The following CHCHD3 variants were observed in gnomAD, a reference collection of about 807,000 sequenced individuals.
CHCHD3 encodes coiled-coil-helix-coiled-coil-helix domain containing 3.
A neutral mutation model predicts 38.2 loss-of-function variants in CHCHD3; 20 were observed. The ratio of observed to expected loss-of-function variants is 0.52; its 90% CI spans 0.37 to 0.76. The LOEUF (loss-of-function observed/expected upper bound fraction) is 0.76, where lower values mean the gene tolerates loss of function less well. Ranked by LOEUF, CHCHD3 falls within the 30% of genes least tolerant of loss-of-function variation. The probability of loss-of-function intolerance (pLI) is 0.00; values close to 1 mark genes in which losing one functional copy is unlikely to be tolerated. For missense variants in CHCHD3, 245 were observed against 279.2 expected (o/e 0.88, Z 0.87); for synonymous variants, 82 against 100.0 (o/e 0.82, Z 1.07).
rs149671290 is a variant in CHCHD3, at chr7:133,033,078, T to A, written c.170-8451A>T. On this transcript the variant is annotated intron_variant, in intron 2 of 7. Transcript: ENST00000262570. ...GCTAATTTATAATAAAATAATGGCA[T>A]CTCATTATGTAAACGTTCAAACATA... Among the ~76,000 whole-genome samples, 119 of 152,248 alleles carry A rather than the reference T, an allele frequency of 7.8e-4. 1 individual carries two copies. The highest frequency in any genetic ancestry group is 2.7e-3 in the African/African-American group (114 of 41,536).
At chr7:133,049,844 C>T (rs1246159134) in intron 2 of CHCHD3, among the ~76,000 whole-genome samples, 1 of 152,212 alleles carries the variant, frequency 6.6e-6, no homozygotes, top group Non-Finnish European at 1.5e-5. Context: ...ATAATCCACA[C>T]TTCCACTGTG....
chr7:132,886,713 T>TG (rs398086180), intron 4 of CHCHD3, among the ~76,000 whole-genome samples: 12 of 150,602 alleles, frequency 8.0e-5, no homozygotes, highest in Admixed American at 3.3e-4. Flanking sequence ...ATATATATTT[T>TG]TGTGTGTATC....
intron 5 of CHCHD3, among the ~76,000 whole-genome samples, chr7:132,841,543 A>C (rs1386667710): frequency 6.6e-6 from 1 of 152,212 alleles, no homozygotes. Flanking sequence ...GGAATGAATT[A>C]GACAAACATG....
chr7:133,045,022 T>A (rs1274601145), intron 2 of CHCHD3, among the ~76,000 whole-genome samples: 1 of 152,244 alleles, frequency 6.6e-6, no homozygotes, highest in Non-Finnish European at 1.5e-5. Flanking sequence ...AGTCGTTTTT[T>A]TCCCCTCTAC....
At chr7:133,063,793 G>T (rs1814590170) in intron 2 of CHCHD3, among the ~76,000 whole-genome samples, 1 of 152,138 alleles carries the variant, frequency 6.6e-6, no homozygotes, top group Non-Finnish European at 1.5e-5. Context: ...CTCTGAAGCT[G>T]CCCAGGCCCT....
intron 3 of CHCHD3, among the ~76,000 whole-genome samples, chr7:133,003,800 C>A (rs79663369): frequency 6.6e-6 from 1 of 152,040 alleles, no homozygotes; most frequent in Non-Finnish European, 1.5e-5. Context: ...TAAAAATACA[C>A]GGAGGATAAA....
chr7:132,806,910 G>C (rs1278529502), intron 6 of CHCHD3, among the ~76,000 whole-genome samples: 1 of 152,164 alleles, frequency 6.6e-6, no homozygotes, highest in African/African-American at 2.4e-5. Context: ...GCAGAAAGGA[G>C]GGCATGGTCC....
At chr7:132,986,733 A>G (rs1266819255) in intron 3 of CHCHD3, among the ~76,000 whole-genome samples, 2 of 152,220 alleles carry the variant, frequency 1.3e-5, no homozygotes, top group African/African-American at 4.8e-5. Context: ...AATGCAGACA[A>G]AAGTGCCCTA....
chr7:133,027,314 T>C (rs1039878425), intron 2 of CHCHD3, among the ~76,000 whole-genome samples: 4 of 150,426 alleles, frequency 2.7e-5, no homozygotes, highest in Non-Finnish European at 4.4e-5. Flanking sequence ...AACTGCACAC[T>C]CTGAATGGAT....
intron 6 of CHCHD3, among the ~76,000 whole-genome samples, chr7:132,819,090 T>C (rs568837432): frequency 6.6e-6 from 1 of 152,330 alleles, no homozygotes; most frequent in Admixed American, 6.5e-5. Context: ...CCAAGCACAG[T>C]ATATATGCCA....
chr7:132,872,748 T>C (rs1808796505), intron 5 of CHCHD3, among the ~76,000 whole-genome samples: 1 of 152,212 alleles, frequency 6.6e-6, no homozygotes, highest in South Asian at 2.1e-4. Flanking sequence ...GTTGAGAATC[T>C]GTTACTTGAC....
chr7:132,903,428 A>C (rs1438050703), intron 4 of CHCHD3, among the ~76,000 whole-genome samples: 1 of 152,192 alleles, frequency 6.6e-6, no homozygotes, highest in African/African-American at 2.4e-5. Context: ...CAGTTTCTAC[A>C]CAACCTTTTT....
chr7:133,006,283 T>C (rs1225800884), intron 3 of CHCHD3, among the ~76,000 whole-genome samples: 1 of 151,874 alleles, frequency 6.6e-6, no homozygotes, highest in Non-Finnish European at 1.5e-5. Flanking sequence ...CTGACCAACA[T>C]GATGAAACCC....
intron 3 of CHCHD3, among the ~76,000 whole-genome samples, chr7:132,994,773 C>T (rs1439050663): frequency 6.6e-6 from 1 of 152,164 alleles, no homozygotes; most frequent in East Asian, 1.9e-4. Flanking sequence ...TTTTTTACCT[C>T]AACTCCTTAC....
At chr7:132,843,367 A>G (rs1807992369) in intron 5 of CHCHD3, among the ~76,000 whole-genome samples, 1 of 152,206 alleles carries the variant, frequency 6.6e-6, no homozygotes, top group Non-Finnish European at 1.5e-5. Context: ...CTGAATACAC[A>G]CACTAAATTT....
intron 5 of CHCHD3, among the ~76,000 whole-genome samples, chr7:132,870,042 T>C (rs948387439): frequency 3.3e-5 from 5 of 151,914 alleles, no homozygotes; most frequent in African/African-American, 9.7e-5. Context: ...CAAAATTCAA[T>C]ATAACATTTC....
chr7:132,975,741 G>C (rs1811747345), intron 3 of CHCHD3, among the ~76,000 whole-genome samples: 1 of 152,194 alleles, frequency 6.6e-6, no homozygotes, highest in African/African-American at 2.4e-5. Context: ...GACCAGCCTG[G>C]CCAACATGGT....
intron 5 of CHCHD3, among the ~76,000 whole-genome samples, chr7:132,870,964 A>C (rs541949596): frequency 1.6e-4 from 25 of 152,200 alleles, no homozygotes; most frequent in African/African-American, 6.0e-4. Context: ...ATTCCATTTC[A>C]CTGACATATT....
At chr7:133,078,939 C>A (rs989186624) in intron 1 of CHCHD3, among the ~76,000 whole-genome samples, 2 of 152,204 alleles carry the variant, frequency 1.3e-5, no homozygotes, top group African/African-American at 4.8e-5. Flanking sequence ...TTCTAACAAA[C>A]TAAGCTAAAA....
Sources: gnomAD v4.1 joint callset for allele counts (sites outside exome capture counted in the v4.1 genomes callset) on GRCh38, gnomAD v4.1.1 for gene constraint, MANE v1.5 for transcripts, NCBI Gene and HGNC (gene_info 2026-07-23, HGNC 2026-07-21) for gene names.